SLC43A1: variants seen among roughly 807,000 people sequenced by gnomAD.
SLC43A1 encodes the protein large neutral amino acids transporter small subunit 3.
A neutral mutation model predicts 59.5 loss-of-function variants in SLC43A1; 31 were observed. That is an observed-to-expected ratio of 0.52 (90% CI 0.39 to 0.70). The LOEUF is 0.70. SLC43A1 is among the 30% of genes least tolerant of loss of function. SLC43A1 has a pLI of 0.00. For synonymous variants in SLC43A1, 259 were observed against 290.9 expected (o/e 0.89, Z 1.12); for missense variants, 598 against 717.8 (o/e 0.83, Z 1.91).
At position 57,491,320 on chromosome 11, in the gene SLC43A1, C is replaced by T. The variant is rs745375925; in HGVS notation, c.1097G>A (p.Cys366Tyr). Reference sequence around the variant, plus strand: ...GCCAATGAGGGGGCAGGTGAGAAGGCACAACAGCTGCATGGCCCCGAAGAC... The same window carrying T: ...GCCAATGAGGGGGCAGGTGAGAAGGTACAACAGCTGCATGGCCCCGAAGAC... ...SSVFGAMQLL[C>Y]LLTCPLIGYI... is the part of the protein sequence containing the mutation. The change falls in exon 11 of 15, where the codon TGC becomes TAC. Residue 366 changes from cysteine (C) to tyrosine (Y), a missense_variant. By Grantham distance (194) the Cys-to-Tyr change is radical. Coordinates refer to ENST00000278426, the MANE Select transcript of SLC43A1 (RefSeq NM_003627.6). 6.2e-7 allele frequency: 1 copy of T among 1,610,500 alleles called. No homozygotes were observed. Among genetic ancestry groups the T allele is most frequent in the East Asian group, 2.2e-5 (1 of 44,846 alleles).
intron 2 of SLC43A1, among the ~76,000 whole-genome samples, chr11:57,510,148 A>AT (rs1944500156): frequency 6.6e-6 from 1 of 152,092 alleles, no homozygotes; most frequent in South Asian, 2.1e-4. Context: ...ATCCACTAGG[A>AT]TGGCTATAAC....
intron 2 of SLC43A1, 82 bp from the exon 3 acceptor site, chr11:57,501,411 C>G: frequency 6.8e-7 from 1 of 1,477,026 alleles, no homozygotes; most frequent in Non-Finnish European, 9.3e-7. Flanking sequence ...GTCAGGCGGC[C>G]TGCTTTCAAA....
At chr11:57,508,043 G>T (rs957218236) in intron 2 of SLC43A1, among the ~76,000 whole-genome samples, 8 of 152,230 alleles carry the variant, frequency 5.3e-5, no homozygotes, top group African/African-American at 1.9e-4. Flanking sequence ...AAGGCGGGTG[G>T]ATCACCTGAG....
At chr11:57,487,840 C>G (rs1475477850) in intron 13 of SLC43A1, among the ~76,000 whole-genome samples, 1 of 152,040 alleles carries the variant, frequency 6.6e-6, no homozygotes, top group Non-Finnish European at 1.5e-5. Context: ...TTGCAGATAT[C>G]TGGAGAAGAA....
intron 13 of SLC43A1, 68 bp from the exon 14 acceptor site, chr11:57,487,286 C>T (rs1943767660): frequency 6.4e-7 from 1 of 1,560,808 alleles, no homozygotes; most frequent in Non-Finnish European, 8.7e-7. Flanking sequence ...CCTCTCCTAT[C>T]CCCTCCCCAC....
At position 57,501,028 on chromosome 11, in the gene SLC43A1, C is replaced by T. The variant is rs571412432; in HGVS notation, c.348G>A (p.Ala116=). 3.4e-5 allele frequency: 54 copies of T among 1,602,450 alleles called. No individual in the cohort carries two copies. In the South Asian group the frequency reaches 4.7e-4, roughly 14 times the overall value. The change falls in exon 4 of 15, where the codon GCG becomes GCA. Residue 116 remains alanine, a synonymous_variant. Transcript: ENST00000278426. ...AGGCCAGGGCCATGAGGGTGCAGGA[C>T]GCAGTGAAGCAGGCACTGTGGAGAC... ...VRLVGSACFT[A]SCTLMALASR... is the part of the protein sequence containing the mutation.
intron 13 of SLC43A1, 49 bp from the exon 14 acceptor site, chr11:57,487,267 AG>A (rs1217266922): frequency 6.3e-7 from 1 of 1,590,478 alleles, no homozygotes; most frequent in South Asian, 1.1e-5. Flanking sequence ...TCTCCAGCCC[AG>A]GCCAGCACCT....
At chr11:57,497,294 C>T (rs912355030) in intron 6 of SLC43A1, among the ~76,000 whole-genome samples, 1 of 152,190 alleles carries the variant, frequency 6.6e-6, no homozygotes, top group African/African-American at 2.4e-5. Context: ...TCGAGGTACA[C>T]CAGGTTGACC....
At position 57,514,958 on chromosome 11, in the gene SLC43A1, TC is replaced by T; in HGVS notation, c.-14+485del. 2.1e-6 allele frequency: 2 copies of T among 966,976 alleles called. No homozygotes were observed. Among genetic ancestry groups the T allele is most frequent in the Non-Finnish European group, 2.5e-6 (2 of 815,188 alleles). The allele number at this position is 966,976 out of a possible 1,614,324, so 59.9% of individuals were successfully genotyped here. On this transcript the variant is annotated intron_variant, in intron 1 of 14. Transcript: ENST00000278426. The surrounding 1 kb of genome is among the most constrained non-coding windows in gnomAD (Gnocchi z 5.5). ...CCAAAGGGAGGGAAAGAGCCCCAGC[TC>T]CCCCCGCCGCGGCCGCTGCAGCCTC... is the stretch of plus-strand genomic sequence containing the variant.
At chr11:57,511,039 C>T (rs1210081455) in intron 2 of SLC43A1, among the ~76,000 whole-genome samples, 1 of 152,018 alleles carries the variant, frequency 6.6e-6, no homozygotes. Flanking sequence ...CTTTGGAAAA[C>T]AATTTGGTAG....
intron 2 of SLC43A1, among the ~76,000 whole-genome samples, chr11:57,506,061 A>G (rs1038262164): frequency 5.3e-5 from 8 of 152,102 alleles, no homozygotes; most frequent in Non-Finnish European, 1.2e-4. Context: ...AAAACACCTT[A>G]GGGGTTGGGT....
At chr11:57,494,245 G>T in intron 7 of SLC43A1, 74 bp from the exon 8 acceptor site, 2 of 1,438,436 alleles carry the variant, frequency 1.4e-6, no homozygotes, top group Non-Finnish European at 1.9e-6. Context: ...GTGCTCGGCG[G>T]CCATCCCAGC....
At chr11:57,497,093 T>G (rs1256084193) in intron 6 of SLC43A1, among the ~76,000 whole-genome samples, 1 of 151,998 alleles carries the variant, frequency 6.6e-6, no homozygotes, top group Non-Finnish European at 1.5e-5. Context: ...TCTCTCAAAC[T>G]CCTTTGGAGA....
At chr11:57,487,029 A>G (rs1294501890) in intron 14 of SLC43A1, 66 bp downstream of exon 14, 9 of 1,562,234 alleles carry the variant, frequency 5.8e-6, no homozygotes, top group Non-Finnish European at 7.9e-6. Flanking sequence ...GGCACCACAT[A>G]CAAGGCCCTA....
chr11:57,501,089 C>T lies in SLC43A1; in HGVS notation c.333-46G>A, dbSNP rs201581510. 15 of 1,607,662 alleles carry T rather than the reference C, an allele frequency of 9.3e-6. No homozygotes were observed. In the Admixed American group the frequency reaches 1.7e-4, roughly 18 times the overall value. ...GCGAGGGGTTGGCCTGTGAGCACCC[C>T]CCCTCCCCTCCCCCTGCAGCACGGT... is the stretch of plus-strand genomic sequence containing the variant. On this transcript the variant is annotated intron_variant, in intron 3 of 14. Transcript: ENST00000278426.
At chr11:57,492,696 C>T (rs1259483036) in intron 8 of SLC43A1, among the ~76,000 whole-genome samples, 1 of 138,472 alleles carries the variant, frequency 7.2e-6, no homozygotes, top group Non-Finnish European at 1.5e-5. Flanking sequence ...CACTACCGCA[C>T]TCCAGCCCAG....
At chr11:57,502,504 G>A (rs969815056) in intron 2 of SLC43A1, among the ~76,000 whole-genome samples, 7 of 152,296 alleles carry the variant, frequency 4.6e-5, no homozygotes, top group East Asian at 1.9e-4. Context: ...TGGTAAGCAC[G>A]TACTCTAGGA....
chr11:57,499,033 G>A (rs902454776), intron 5 of SLC43A1, among the ~76,000 whole-genome samples: 16 of 152,092 alleles, frequency 1.1e-4, no homozygotes, highest in Admixed American at 5.2e-4. Flanking sequence ...TGGTAAAAAA[G>A]GCGTTTAGGC....
chr11:57,491,492 GGTTA>G, intron 10 of SLC43A1, 95 bp downstream of exon 10: 2 of 1,584,378 alleles, frequency 1.3e-6, no homozygotes, highest in Admixed American at 1.8e-5. Flanking sequence ...CCCACAAAAG[GGTTA>G]CCTGGGTGGG....
Sources: allele counts gnomAD v4.1 joint callset (sites outside exome capture counted in the v4.1 genomes callset), GRCh38; gene constraint gnomAD v4.1.1; non-coding constraint Gnocchi (gnomAD v3.1); transcripts MANE v1.5; gene names NCBI Gene and HGNC (gene_info 2026-07-23, HGNC 2026-07-21).